Variants in CSMD3 observed in about 807,000 individuals in gnomAD.
CSMD3 encodes the protein CUB and sushi domain-containing protein 3.
A neutral mutation model predicts 435.2 loss-of-function variants in CSMD3; 177 were observed. The observed-to-expected ratio is 0.41, with a 90% confidence interval of 0.36 to 0.46. CSMD3 has a LOEUF of 0.46. CSMD3 is among the 20% of genes least tolerant of loss of function. The probability of loss-of-function intolerance (pLI) is 0.34; values close to 1 mark genes in which losing one functional copy is unlikely to be tolerated. For synonymous variants in CSMD3, 1,656 were observed against 1,520.5 expected (o/e 1.09, Z -2.07); for missense variants, 4,265 against 4,504.6 (o/e 0.95, Z 1.52).
At chr8:112,651,827 C>A (rs1461400266) in intron 18 of CSMD3, among the ~76,000 whole-genome samples, 1 of 151,694 alleles carries the variant, frequency 6.6e-6, no homozygotes, top group Non-Finnish European at 1.5e-5. Context: ...TGAGTCACTG[C>A]ACCTGGCCAG....
At chr8:112,709,254 T>C (rs985433953) in intron 13 of CSMD3, among the ~76,000 whole-genome samples, 1 of 152,096 alleles carries the variant, frequency 6.6e-6, no homozygotes, top group Non-Finnish European at 1.5e-5. Flanking sequence ...AAAAAGTAAA[T>C]GTTGGCCCCA....
At chr8:112,626,555 G>T (rs1474018907) in intron 22 of CSMD3, among the ~76,000 whole-genome samples, 2 of 151,196 alleles carry the variant, frequency 1.3e-5, no homozygotes, top group South Asian at 2.1e-4. Context: ...TTTAAAAAAT[G>T]GAATTAGAAC....
At chr8:113,243,355 G>A (rs1313047677) in intron 3 of CSMD3, among the ~76,000 whole-genome samples, 2 of 151,828 alleles carry the variant, frequency 1.3e-5, no homozygotes, top group Non-Finnish European at 2.9e-5. Context: ...ATTTTCATCA[G>A]TATATTTTAT....
chr8:113,072,519 A>C (rs2089170471), intron 5 of CSMD3, among the ~76,000 whole-genome samples: 1 of 151,796 alleles, frequency 6.6e-6, no homozygotes, highest in Non-Finnish European at 1.5e-5. Flanking sequence ...ATGGATGCCC[A>C]CTAATTTTCT....
chr8:112,278,597 A>G lies in CSMD3; in HGVS notation c.9508+2577T>C, dbSNP rs146055989. The stretch of plus-strand genomic sequence containing the variant: ...TCAAGCAGGTGTTGACTCCCATTCT[A>G]TAGAGTGCTCAGGGGAAAGGCTGGC... On this transcript the variant is annotated intron_variant, in intron 59 of 70. Coordinates refer to ENST00000297405, the MANE Select transcript of CSMD3 (RefSeq NM_198123.2). Among the ~76,000 whole-genome samples the G allele has an allele frequency of 1.2e-3, 177 of 152,246 alleles. 1 individual carries two copies. The highest frequency in any genetic ancestry group is 3.9e-3 in the African/African-American group (164 of 41,554).
chr8:112,434,270 C>T (rs1814065848), intron 32 of CSMD3, among the ~76,000 whole-genome samples: 1 of 152,092 alleles, frequency 6.6e-6, no homozygotes, highest in Admixed American at 6.6e-5. Context: ...ATGCAAACCC[C>T]TGGCATAATG....
intron 13 of CSMD3, among the ~76,000 whole-genome samples, chr8:112,787,319 T>C (rs1012523664): frequency 3.9e-5 from 6 of 152,088 alleles, no homozygotes; most frequent in African/African-American, 1.4e-4. Flanking sequence ...AAACAGGCAA[T>C]AGTGAATGGT....
intron 27 of CSMD3, among the ~76,000 whole-genome samples, chr8:112,519,412 C>G (rs1003870041): frequency 6.6e-6 from 1 of 152,064 alleles, no homozygotes; most frequent in Admixed American, 6.6e-5. Context: ...TGTAAAATCC[C>G]ATGAAATTGT....
intron 5 of CSMD3, among the ~76,000 whole-genome samples, chr8:113,080,808 G>A (rs1385343315): frequency 6.6e-6 from 1 of 152,088 alleles, no homozygotes; most frequent in Non-Finnish European, 1.5e-5. Context: ...ACTTAAGTAA[G>A]ATTCAACACA....
chr8:113,409,652 A>G (rs922210661), intron 1 of CSMD3, among the ~76,000 whole-genome samples: 1 of 152,188 alleles, frequency 6.6e-6, no homozygotes, highest in Non-Finnish European at 1.5e-5. Flanking sequence ...AATGGGAATT[A>G]TTCGGTTGAA....
chr8:113,195,855 G>T (rs2092649202), intron 3 of CSMD3, among the ~76,000 whole-genome samples: 1 of 125,996 alleles, frequency 7.9e-6, no homozygotes, highest in Admixed American at 7.9e-5. Flanking sequence ...ACACACACAT[G>T]CATATATAGT....
chr8:112,547,782 G>T (rs1053026226), intron 27 of CSMD3, among the ~76,000 whole-genome samples: 3 of 152,136 alleles, frequency 2.0e-5, no homozygotes, highest in Admixed American at 2.0e-4. Context: ...GTGATGGAAA[G>T]CAGCAGAGAG....
chr8:112,602,017 A>G (rs1832392999), intron 22 of CSMD3, among the ~76,000 whole-genome samples: 1 of 152,174 alleles, frequency 6.6e-6, no homozygotes. Flanking sequence ...AGCCGATGGG[A>G]GCAGATAGCT....
At chr8:113,141,641 G>T (rs1039916625) in intron 4 of CSMD3, among the ~76,000 whole-genome samples, 1 of 150,854 alleles carries the variant, frequency 6.6e-6, no homozygotes, top group South Asian at 2.1e-4. Flanking sequence ...CAACATTCAT[G>T]ATTTAAAAAA....
chr8:113,342,979 A>C (rs1311523102), intron 1 of CSMD3, among the ~76,000 whole-genome samples: 1 of 152,112 alleles, frequency 6.6e-6, no homozygotes, highest in Non-Finnish European at 1.5e-5. Flanking sequence ...AGGAAGAGGA[A>C]GAAGAAAAAT....
chr8:112,444,263 T>C (rs1238283952), intron 32 of CSMD3, among the ~76,000 whole-genome samples: 1 of 152,218 alleles, frequency 6.6e-6, no homozygotes. Flanking sequence ...TTAGCAAGTG[T>C]GTAAAATGGT....
chr8:112,642,355 T>G (rs1289157958), intron 20 of CSMD3, among the ~76,000 whole-genome samples: 9 of 152,132 alleles, frequency 5.9e-5, no homozygotes, highest in Admixed American at 2.6e-4. Context: ...TTAAGGAAAA[T>G]CTCTCATGGT....
chr8:112,827,207 A>ATATATATATATATT (rs2079722410), intron 12 of CSMD3, among the ~76,000 whole-genome samples: 2 of 122,676 alleles, frequency 1.6e-5, no homozygotes, highest in East Asian at 2.5e-4. Flanking sequence ...ATATATATAT[A>ATATATATATATATT]ATCTTTCTAC....
At chr8:113,169,355 C>T (rs1205945455) in intron 4 of CSMD3, among the ~76,000 whole-genome samples, 1 of 152,070 alleles carries the variant, frequency 6.6e-6, no homozygotes, top group Non-Finnish European at 1.5e-5. Flanking sequence ...ACATCTACAT[C>T]ACTAACATCC....
Sources: allele counts gnomAD v4.1 joint callset (sites outside exome capture counted in the v4.1 genomes callset), GRCh38; gene constraint gnomAD v4.1.1; transcripts MANE v1.5; gene names NCBI Gene and HGNC (gene_info 2026-07-23, HGNC 2026-07-21).